The following TTLL5 variants were observed in gnomAD, a reference collection of about 807,000 sequenced individuals.
The protein encoded by TTLL5 is tubulin polyglutamylase TTLL5.
TTLL5 carries 132 observed loss-of-function variants against 168.4 expected under a neutral mutation model. The observed-to-expected ratio is 0.78, with a 90% CI of 0.68 to 0.91. The LOEUF (loss-of-function observed/expected upper bound fraction) is 0.91. TTLL5 is among the 40% of genes least tolerant of loss of function. TTLL5 has a pLI of 0.00. For synonymous variants in TTLL5, 546 were observed against 558.6 expected (o/e 0.98, Z 0.32); for missense variants, 1,545 against 1,581.5 (o/e 0.98, Z 0.39).
At chr14:75,670,636 G>A (rs1883668065) in intron 3 of TTLL5, among the ~76,000 whole-genome samples, 1 of 152,090 alleles carries the variant, frequency 6.6e-6, no homozygotes, top group African/African-American at 2.4e-5. Flanking sequence ...GTGGTATCTG[G>A]CTGTGGTTTT....
At chr14:75,827,625 C>T (rs1178221356) in intron 28 of TTLL5, among the ~76,000 whole-genome samples, 1 of 147,518 alleles carries the variant, frequency 6.8e-6, no homozygotes, top group Non-Finnish European at 1.5e-5. Flanking sequence ...AGGGACTACT[C>T]ATGGTTTTCA....
chr14:75,812,872 T>TG (rs1285088903), intron 27 of TTLL5, among the ~76,000 whole-genome samples: 1 of 152,104 alleles, frequency 6.6e-6, no homozygotes, highest in Non-Finnish European at 1.5e-5. Flanking sequence ...GGGCTGGGGC[T>TG]GGGGCTGGGG....
intron 31 of TTLL5, among the ~76,000 whole-genome samples, chr14:75,912,265 G>A (rs955591370): frequency 2.9e-4 from 44 of 152,106 alleles, no homozygotes; most frequent in Non-Finnish European, 6.0e-4. Flanking sequence ...GGTGGGCAGA[G>A]CTCTCTCTCC....
At chr14:75,706,012 G>A (rs190703094) in intron 7 of TTLL5, among the ~76,000 whole-genome samples, 3 of 152,214 alleles carry the variant, frequency 2.0e-5, no homozygotes, top group African/African-American at 7.2e-5. Flanking sequence ...GTTTAACCAT[G>A]TCTTTCATAA....
intron 30 of TTLL5, among the ~76,000 whole-genome samples, chr14:75,885,068 G>A (rs370321982): frequency 0.012 from 1,884 of 152,010 alleles, 17 homozygotes; most frequent in South Asian, 0.024. Context: ...CCAGCTACTC[G>A]GGAGGCTGAG....
At chr14:75,728,675 A>ATCG (rs367786161) in intron 12 of TTLL5, among the ~76,000 whole-genome samples, 17 of 13,390 alleles carry the variant, frequency 1.3e-3, no homozygotes, top group East Asian at 0.011. Context: ...TTTGAATATT[A>ATCG]TCATCATCAT....
chr14:75,763,103 A>G (rs2140294115), intron 18 of TTLL5, among the ~76,000 whole-genome samples: 1 of 152,334 alleles, frequency 6.6e-6, no homozygotes, highest in East Asian at 1.9e-4. Context: ...TATAGTTATC[A>G]AATTTGACCA....
chr14:75,866,216 T>G (rs763016395), intron 29 of TTLL5, among the ~76,000 whole-genome samples: 5 of 152,254 alleles, frequency 3.3e-5, no homozygotes, highest in Admixed American at 6.5e-5. Context: ...TTTTATACCT[T>G]TGTAGCTTAG....
chr14:75,951,375 G>A (rs1263665379), intron 31 of TTLL5, among the ~76,000 whole-genome samples: 1 of 152,058 alleles, frequency 6.6e-6, no homozygotes, highest in African/African-American at 2.4e-5. Flanking sequence ...AACCTTTTCT[G>A]TAAAGATCAC....
chr14:75,666,937 G>T (rs1037872749), intron 2 of TTLL5, among the ~76,000 whole-genome samples: 1 of 152,154 alleles, frequency 6.6e-6, no homozygotes, highest in Non-Finnish European at 1.5e-5. Flanking sequence ...ATTTTAATAT[G>T]TACCAGTTTC....
At chr14:75,779,948 T>G (rs761621585) in intron 24 of TTLL5, among the ~76,000 whole-genome samples, 1 of 152,116 alleles carries the variant, frequency 6.6e-6, no homozygotes, top group Non-Finnish European at 1.5e-5. Flanking sequence ...AAGCTAATAA[T>G]AGCTGATATT....
chr14:75,936,429 G>T (rs1287880175), intron 31 of TTLL5, among the ~76,000 whole-genome samples: 2 of 152,068 alleles, frequency 1.3e-5, no homozygotes, highest in East Asian at 3.9e-4. Flanking sequence ...CTCCCTCTCT[G>T]CTTCACGTCT....
intron 3 of TTLL5, among the ~76,000 whole-genome samples, chr14:75,681,199 T>A (rs1884584823): frequency 6.6e-6 from 1 of 152,200 alleles, no homozygotes; most frequent in African/African-American, 2.4e-5. Context: ...TATTTTGAGA[T>A]ATACTGTAAA....
chr14:75,784,182 C>T (rs1312902831), intron 26 of TTLL5, among the ~76,000 whole-genome samples: 6 of 152,290 alleles, frequency 3.9e-5, no homozygotes, highest in South Asian at 2.1e-4. Context: ...TTAGCAGCCA[C>T]GGTCTGTTTC....
At chr14:75,885,433 A>G (rs2032063359) in intron 30 of TTLL5, among the ~76,000 whole-genome samples, 1 of 152,096 alleles carries the variant, frequency 6.6e-6, no homozygotes, top group African/African-American at 2.4e-5. Context: ...CAGAGCTTGC[A>G]GTGAGCCGAG....
At chr14:75,743,569 A>G (rs1025572527) in intron 15 of TTLL5, among the ~76,000 whole-genome samples, 6 of 134,862 alleles carry the variant, frequency 4.4e-5, no homozygotes, top group Non-Finnish European at 7.7e-5. Flanking sequence ...ACTCTCTGGC[A>G]TCGCTCTTTT....
chr14:75,826,072 A>G (rs1408371078), intron 28 of TTLL5, among the ~76,000 whole-genome samples: 1 of 152,012 alleles, frequency 6.6e-6, no homozygotes, highest in Non-Finnish European at 1.5e-5. Context: ...AGCTGGCTGG[A>G]CGTCATACCA....
At chr14:75,737,468 A>G in intron 15 of TTLL5, 1 of 1,264,292 alleles carries the variant, frequency 7.9e-7, no homozygotes, top group Middle Eastern at 1.9e-4. Flanking sequence ...CTGCTTGGAG[A>G]TTATTTTTTC....
chr14:75,915,765 TAA>T (rs2033593814), intron 31 of TTLL5, among the ~76,000 whole-genome samples: 1 of 151,840 alleles, frequency 6.6e-6, no homozygotes, highest in African/African-American at 2.4e-5. Flanking sequence ...TTGCTAATCA[TAA>T]GAGAAATGCA....
Sources: gnomAD v4.1 joint callset for allele counts (sites outside exome capture counted in the v4.1 genomes callset) on GRCh38, gnomAD v4.1.1 for gene constraint, MANE v1.5 for transcripts, NCBI Gene and HGNC (gene_info 2026-07-23, HGNC 2026-07-21) for gene names.